CDIN1: variants seen among roughly 807,000 people sequenced by gnomAD.
CDIN1 encodes CDAN1 interacting nuclease 1.
CDIN1 carries 33 observed loss-of-function variants against 45.3 expected under a neutral mutation model. That is an observed-to-expected ratio of 0.73 (90% CI 0.55 to 0.97). The LOEUF (loss-of-function observed/expected upper bound fraction) is 0.97. Ranked by LOEUF, CDIN1 falls within the 50% of genes least tolerant of loss-of-function variation. The pLI is 0.00. For synonymous variants in CDIN1, 118 were observed against 124.4 expected, an observed-to-expected ratio of 0.95 and a Z score of 0.34; for missense variants, 303 against 339.4, an observed-to-expected ratio of 0.89 and a Z score of 0.84.
intron 8 of CDIN1, among the ~76,000 whole-genome samples, chr15:36,703,290 A>ATATAT (rs2042719540): frequency 9.1e-6 from 1 of 110,196 alleles, no homozygotes; most frequent in Non-Finnish European, 1.8e-5. Context: ...TCAGATATAT[A>ATATAT]CATATATCAG....
At chr15:36,658,682 T>C (rs990328201) in intron 5 of CDIN1, among the ~76,000 whole-genome samples, 3 of 152,214 alleles carry the variant, frequency 2.0e-5, no homozygotes. Context: ...TGTGGTAGAA[T>C]AGGTAAAAAG....
At chr15:36,721,510 T>G (rs1323962665) in intron 10 of CDIN1, among the ~76,000 whole-genome samples, 1 of 152,194 alleles carries the variant, frequency 6.6e-6, no homozygotes, top group African/African-American at 2.4e-5. Flanking sequence ...GGTTTCTAAT[T>G]TAATTGCATG....
intron 10 of CDIN1, among the ~76,000 whole-genome samples, chr15:36,795,002 G>A (rs2054755114): frequency 6.6e-6 from 1 of 152,178 alleles, no homozygotes; most frequent in South Asian, 2.1e-4. Flanking sequence ...GGAACTGGAG[G>A]TTATTATGTT....
intron 3 of CDIN1, among the ~76,000 whole-genome samples, chr15:36,647,014 A>G (rs1213576023): frequency 1.4e-5 from 2 of 141,420 alleles, no homozygotes; most frequent in African/African-American, 5.2e-5. Context: ...GCCATAAATA[A>G]ATAAATATCT....
chr15:36,710,089 A>C (rs1267070067), intron 10 of CDIN1, 128 bp downstream of exon 10: 3 of 569,454 alleles, frequency 5.3e-6, no homozygotes, highest in Non-Finnish European at 8.9e-6. Context: ...AGTTTTGATT[A>C]ATGTATTCAT....
At chr15:36,736,460 T>G (rs538362647) in intron 10 of CDIN1, among the ~76,000 whole-genome samples, 1 of 152,306 alleles carries the variant, frequency 6.6e-6, no homozygotes, top group East Asian at 1.9e-4. Flanking sequence ...CCATGTTTGT[T>G]TCAAAGCCAC....
intron 10 of CDIN1, among the ~76,000 whole-genome samples, chr15:36,712,207 T>G (rs17499628): frequency 1.3e-5 from 2 of 151,282 alleles, no homozygotes; most frequent in Admixed American, 6.6e-5. Flanking sequence ...TATTTTCAGA[T>G]TAAAGATTGG....
chr15:36,730,524 T>A (rs2043798738), intron 10 of CDIN1, among the ~76,000 whole-genome samples: 1 of 152,140 alleles, frequency 6.6e-6, no homozygotes, highest in Non-Finnish European at 1.5e-5. Context: ...CTTTTTCAAC[T>A]GAATTGACCG....
chr15:36,775,512 C>T (rs1236419154), intron 10 of CDIN1, among the ~76,000 whole-genome samples: 1 of 152,160 alleles, frequency 6.6e-6, no homozygotes, highest in East Asian at 1.9e-4. Context: ...GGCAGCAGTG[C>T]CTATGACAGG....
chr15:36,747,317 C>T, intron 10 of CDIN1: 1 of 232,996 alleles, frequency 4.3e-6, no homozygotes, highest in Non-Finnish European at 8.2e-6. Context: ...ATTTTTAAAG[C>T]ATTTATTTGC....
chr15:36,792,969 G>A (rs924802209), intron 10 of CDIN1, among the ~76,000 whole-genome samples: 4 of 151,916 alleles, frequency 2.6e-5, no homozygotes, highest in Admixed American at 6.6e-5. Flanking sequence ...TTCCTGCACC[G>A]TCCTGAAAGT....
chr15:36,671,105 T>G (rs1290198104), intron 5 of CDIN1, among the ~76,000 whole-genome samples: 1 of 152,166 alleles, frequency 6.6e-6, no homozygotes, highest in Non-Finnish European at 1.5e-5. Context: ...ATTTGTAGTA[T>G]GTGAAAGAGG....
chr15:36,678,768 G>A (rs2041743002), intron 5 of CDIN1, among the ~76,000 whole-genome samples: 1 of 152,176 alleles, frequency 6.6e-6, no homozygotes, highest in Admixed American at 6.6e-5. Flanking sequence ...TTTTGTTTTA[G>A]TTCAAGTGCA....
chr15:36,749,524 T>A (rs971719537), intron 10 of CDIN1, among the ~76,000 whole-genome samples: 1 of 152,196 alleles, frequency 6.6e-6, no homozygotes, highest in Admixed American at 6.5e-5. Flanking sequence ...AAATTATTCA[T>A]CCTACACTAG....
intron 1 of CDIN1, chr15:36,617,232 C>T (rs1214808502): frequency 4.5e-6 from 4 of 881,708 alleles, no homozygotes; most frequent in African/African-American, 1.6e-5. Context: ...AAACAGCAGC[C>T]ACATCGGGTG....
At chr15:36,667,709 T>C (rs1244732210) in intron 5 of CDIN1, among the ~76,000 whole-genome samples, 1 of 152,198 alleles carries the variant, frequency 6.6e-6, no homozygotes, top group East Asian at 1.9e-4. Context: ...AAGAATGAGA[T>C]GATACGAAGT....
At chr15:36,748,541 G>A (rs1337972813) in intron 10 of CDIN1, among the ~76,000 whole-genome samples, 1 of 151,282 alleles carries the variant, frequency 6.6e-6, no homozygotes, top group African/African-American at 2.4e-5. Flanking sequence ...CACAACAGCT[G>A]TTTCCCTGTT....
intron 5 of CDIN1, among the ~76,000 whole-genome samples, chr15:36,677,543 C>G (rs2041692087): frequency 6.6e-6 from 1 of 152,056 alleles, no homozygotes; most frequent in Admixed American, 6.6e-5. Context: ...TACTTAAAGA[C>G]AATATTAAGA....
chr15:36,791,775 T>C (rs1316410443), intron 10 of CDIN1, among the ~76,000 whole-genome samples: 1 of 152,192 alleles, frequency 6.6e-6, no homozygotes, highest in Non-Finnish European at 1.5e-5. Context: ...GCAGTGGTCC[T>C]TTCTATAATG....
Sources: allele counts gnomAD v4.1 joint callset (sites outside exome capture counted in the v4.1 genomes callset), GRCh38; gene constraint gnomAD v4.1.1; transcripts MANE v1.5; gene names NCBI Gene and HGNC (gene_info 2026-07-23, HGNC 2026-07-21).